The following IQCM variants were observed in gnomAD, a reference collection of about 807,000 sequenced individuals.
The protein encoded by IQCM is IQ domain-containing protein M.
IQCM carries 45 observed loss-of-function variants against 57.6 expected under a neutral mutation model. The ratio of observed to expected loss-of-function variants is 0.78; its 90% CI spans 0.62 to 1.00. The LOEUF (loss-of-function observed/expected upper bound fraction) is 1.00. Ranked by LOEUF, IQCM falls within the 50% of genes least tolerant of loss-of-function variation. The pLI, the probability that IQCM is intolerant of heterozygous loss-of-function variation, is 0.00. For missense variants in IQCM, 468 were observed against 511.6 expected, an observed-to-expected ratio of 0.91 and a Z score of 0.82; for synonymous variants, 148 against 158.9, an observed-to-expected ratio of 0.93 and a Z score of 0.51.
chr4:149,359,265 A>G (rs1729305225), intron 13 of IQCM, among the ~76,000 whole-genome samples: 1 of 152,210 alleles, frequency 6.6e-6, no homozygotes, highest in African/African-American at 2.4e-5. Flanking sequence ...ATAGTGTGTT[A>G]CAATGTATTT....
intron 12 of IQCM, among the ~76,000 whole-genome samples, chr4:149,512,167 C>T (rs1579315713): frequency 6.6e-6 from 1 of 152,228 alleles, no homozygotes; most frequent in Non-Finnish European, 1.5e-5. Context: ...TCCAGAGCAA[C>T]ATGAGCTCTA....
At chr4:149,695,560 C>T (rs1025711066) in intron 5 of IQCM, among the ~76,000 whole-genome samples, 2 of 152,016 alleles carry the variant, frequency 1.3e-5, no homozygotes, top group Non-Finnish European at 1.5e-5. Flanking sequence ...TTTGAAGAAA[C>T]AGACAGCAAT....
chr4:149,706,906 T>A (rs1260533060), intron 5 of IQCM, among the ~76,000 whole-genome samples: 1 of 151,948 alleles, frequency 6.6e-6, no homozygotes, highest in Non-Finnish European at 1.5e-5. Context: ...AATTCTACAG[T>A]TCTAAGATAA....
At chr4:149,505,235 C>T (rs749184106) in intron 12 of IQCM, among the ~76,000 whole-genome samples, 21 of 152,014 alleles carry the variant, frequency 1.4e-4, no homozygotes, top group African/African-American at 1.7e-4. Flanking sequence ...AACATACGTA[C>T]GAAAGAAAAC....
chr4:149,584,474 A>G (rs1410350841), intron 9 of IQCM, among the ~76,000 whole-genome samples: 2 of 151,710 alleles, frequency 1.3e-5, no homozygotes, highest in East Asian at 1.9e-4. Context: ...TAGCAAAAAG[A>G]TAAACTTTTT....
chr4:149,543,925 G>C (rs1203919520), intron 12 of IQCM, among the ~76,000 whole-genome samples: 1 of 152,034 alleles, frequency 6.6e-6, no homozygotes, highest in Non-Finnish European at 1.5e-5. Context: ...ATTTATCAAA[G>C]TCTAAAAAAT....
At chr4:149,467,612 C>T (rs1447192670) in intron 12 of IQCM, among the ~76,000 whole-genome samples, 1 of 152,182 alleles carries the variant, frequency 6.6e-6, no homozygotes, top group African/African-American at 2.4e-5. Flanking sequence ...GGAAAACCAA[C>T]CAAGCCTCAT....
At chr4:149,621,067 A>T in intron 8 of IQCM, 62 bp downstream of exon 8, 1 of 726,602 alleles carries the variant, frequency 1.4e-6, no homozygotes, top group Non-Finnish European at 1.9e-6. Context: ...CATCAAAATT[A>T]ATGCAATAAT....
intron 12 of IQCM, among the ~76,000 whole-genome samples, chr4:149,533,725 T>A (rs1746988546): frequency 6.6e-6 from 1 of 152,042 alleles, no homozygotes; most frequent in African/African-American, 2.4e-5. Context: ...GAACTCACTA[T>A]CATGAGAACA....
chr4:149,541,905 G>A (rs183118449), intron 12 of IQCM, among the ~76,000 whole-genome samples: 19 of 152,180 alleles, frequency 1.2e-4, no homozygotes, highest in Admixed American at 4.6e-4. Flanking sequence ...GAAAAAATGC[G>A]TAGGTTGCAC....
intron 4 of IQCM, among the ~76,000 whole-genome samples, chr4:149,734,742 G>A (rs1766776355): frequency 6.6e-6 from 1 of 151,966 alleles, no homozygotes; most frequent in South Asian, 2.1e-4. Flanking sequence ...CTCCTCTATA[G>A]ATGCTCTCCT....
intron 7 of IQCM, among the ~76,000 whole-genome samples, chr4:149,660,405 A>G (rs538932249): frequency 6.6e-6 from 1 of 152,128 alleles, no homozygotes. Flanking sequence ...TAGTTCTACC[A>G]TTGTGGAAGT....
intron 2 of IQCM, among the ~76,000 whole-genome samples, chr4:149,783,725 C>T (rs1771822246): frequency 6.6e-6 from 1 of 152,144 alleles, no homozygotes; most frequent in African/African-American, 2.4e-5. Flanking sequence ...ACTATCTCAT[C>T]AGACTAGAGA....
intron 2 of IQCM, among the ~76,000 whole-genome samples, chr4:149,797,590 C>T (rs1773225129): frequency 6.6e-6 from 1 of 151,686 alleles, no homozygotes; most frequent in African/African-American, 2.4e-5. Flanking sequence ...TATAGAAAAC[C>T]AAGCAAATTT....
intron 7 of IQCM, among the ~76,000 whole-genome samples, chr4:149,630,795 G>A (rs1757199988): frequency 6.6e-6 from 1 of 152,110 alleles, no homozygotes; most frequent in Non-Finnish European, 1.5e-5. Context: ...TATCTGAAAT[G>A]TGACTAAAGA....
chr4:149,352,216 G>T (rs1728630404), intron 13 of IQCM, 150 bp from the exon 14 acceptor site: 2 of 391,948 alleles, frequency 5.1e-6, no homozygotes, highest in Non-Finnish European at 4.5e-6. Context: ...TTTCCTTCGG[G>T]TGTAGTGTGT....
At chr4:149,592,957 T>A (rs1313920249) in intron 8 of IQCM, among the ~76,000 whole-genome samples, 1 of 152,206 alleles carries the variant, frequency 6.6e-6, no homozygotes, top group Non-Finnish European at 1.5e-5. Context: ...TTTGGTTGCA[T>A]ATGAACTTTA....
At chr4:149,529,982 T>C (rs1746569902) in intron 12 of IQCM, among the ~76,000 whole-genome samples, 1 of 152,198 alleles carries the variant, frequency 6.6e-6, no homozygotes. Flanking sequence ...GATCCATCTG[T>C]TCCAGCTACA....
intron 12 of IQCM, among the ~76,000 whole-genome samples, chr4:149,464,168 C>A (rs1191921112): frequency 6.6e-6 from 1 of 152,136 alleles, no homozygotes; most frequent in African/African-American, 2.4e-5. Flanking sequence ...AATGTTCATA[C>A]CTCCCACCTG....
Sources: gnomAD v4.1 joint callset for allele counts (sites outside exome capture counted in the v4.1 genomes callset) on GRCh38, gnomAD v4.1.1 for gene constraint, MANE v1.5 for transcripts, NCBI Gene and HGNC (gene_info 2026-07-23, HGNC 2026-07-21) for gene names.